The following EFHC2 variants were observed in gnomAD, a reference collection of about 807,000 sequenced individuals.
EFHC2 encodes EF-hand domain-containing family member C2.
In EFHC2, 18 loss-of-function variants were observed where a neutral mutation model predicts 52.7. The ratio of observed to expected loss-of-function variants is 0.34; its 90% CI spans 0.24 to 0.51. EFHC2 has a LOEUF of 0.51. Ranked by LOEUF, EFHC2 falls within the 20% of genes least tolerant of loss-of-function variation. EFHC2 has a pLI of 0.97. For synonymous variants in EFHC2, 203 were observed against 204.1 expected, an observed-to-expected ratio of 0.99 and a Z score of 0.04; for missense variants, 513 against 562.5, an observed-to-expected ratio of 0.91 and a Z score of 0.89.
intron 14 of EFHC2, among the ~76,000 whole-genome samples, chrX:44,155,320 G>A (rs926811677): frequency 1.3e-4 from 15 of 111,822 alleles, no homozygotes; most frequent in African/African-American, 4.9e-4. Context: ...CTGTAAAATC[G>A]CACACCCTTG....
chrX:44,305,261 C>CA (rs757357157), intron 2 of EFHC2, among the ~76,000 whole-genome samples: 65 of 107,235 alleles, frequency 6.1e-4, no homozygotes, highest in Admixed American at 1.5e-3. Flanking sequence ...GATTCCGCCT[C>CA]AAAAAAAAAT....
chrX:44,297,914 GAA>G (rs1248025180), intron 2 of EFHC2, among the ~76,000 whole-genome samples: 1 of 102,055 alleles, frequency 9.8e-6, no homozygotes, highest in Non-Finnish European at 2.0e-5. Context: ...GAATGAGGAT[GAA>G]GAGACAGAAG....
At chrX:44,214,415 C>A (rs1189792833) in intron 11 of EFHC2, among the ~76,000 whole-genome samples, 9 of 112,429 alleles carry the variant, frequency 8.0e-5, no homozygotes, top group African/African-American at 2.6e-4. Context: ...GTAAGAATTA[C>A]ATCTGACTTC....
chrX:44,188,757 T>C (rs921602376), intron 11 of EFHC2, among the ~76,000 whole-genome samples: 5 of 110,078 alleles, frequency 4.5e-5, no homozygotes, highest in African/African-American at 1.7e-4. Flanking sequence ...ACCAGAGAAG[T>C]GGGAGCTGAG....
intron 13 of EFHC2, among the ~76,000 whole-genome samples, chrX:44,171,008 T>G (rs1414120342): frequency 2.7e-5 from 3 of 112,086 alleles, no homozygotes; most frequent in Admixed American, 9.4e-5. Context: ...TGCGAAAGTG[T>G]TTTCCTAAAA....
At chrX:44,169,099 T>C (rs1198389661) in intron 13 of EFHC2, among the ~76,000 whole-genome samples, 1 of 111,298 alleles carries the variant, frequency 9.0e-6, no homozygotes, top group Non-Finnish European at 1.9e-5. Context: ...AAGAAAGGAA[T>C]ATCTGGATGA....
At chrX:44,195,896 T>A (rs1024868049) in intron 11 of EFHC2, among the ~76,000 whole-genome samples, 1 of 111,062 alleles carries the variant, frequency 9.0e-6, no homozygotes, top group Non-Finnish European at 1.9e-5. Flanking sequence ...GTTTTTTGTG[T>A]TTTGGGTTTT....
At chrX:44,320,323 C>T (rs2038010338) in intron 1 of EFHC2, among the ~76,000 whole-genome samples, 1 of 111,524 alleles carries the variant, frequency 9.0e-6, no homozygotes, top group Non-Finnish European at 1.9e-5. Context: ...GCAATGTGAC[C>T]CTCAGGACCT....
intron 11 of EFHC2, among the ~76,000 whole-genome samples, chrX:44,178,815 C>T (rs192976375): frequency 4.4e-4 from 49 of 112,035 alleles, no homozygotes; most frequent in African/African-American, 1.6e-3. Context: ...TAAACACCTA[C>T]CAAATAACAG....
chrX:44,282,306 C>T (rs2037708155), intron 2 of EFHC2, among the ~76,000 whole-genome samples: 1 of 106,267 alleles, frequency 9.4e-6, no homozygotes, highest in Non-Finnish European at 1.9e-5. Flanking sequence ...TGTTAAGTGA[C>T]TAAAACACAG....
chrX:44,181,269 T>G (rs748379358), intron 11 of EFHC2, among the ~76,000 whole-genome samples: 178 of 110,829 alleles, frequency 1.6e-3, no homozygotes, highest in African/African-American at 5.4e-3. Flanking sequence ...TCCTGAATGG[T>G]TGAGATGTCT....
At chrX:44,328,402 C>T (rs936960534) in intron 1 of EFHC2, among the ~76,000 whole-genome samples, 1 of 111,494 alleles carries the variant, frequency 9.0e-6, no homozygotes. Flanking sequence ...AATGCTGAGC[C>T]TCTATACATG....
intron 1 of EFHC2, among the ~76,000 whole-genome samples, chrX:44,327,083 A>G (rs192067052): frequency 5.6e-4 from 62 of 111,371 alleles, no homozygotes; most frequent in African/African-American, 2.0e-3. Flanking sequence ...TCACTCAACT[A>G]GTATAAGTGG....
intron 4 of EFHC2, among the ~76,000 whole-genome samples, chrX:44,257,072 G>T (rs1438169270): frequency 9.0e-6 from 1 of 111,595 alleles, no homozygotes; most frequent in Non-Finnish European, 1.9e-5. Flanking sequence ...AATAGATGCA[G>T]AAAAGGCCTT....
intron 8 of EFHC2, among the ~76,000 whole-genome samples, chrX:44,240,497 C>T (rs2037351980): frequency 8.9e-6 from 1 of 111,955 alleles, no homozygotes; most frequent in South Asian, 3.7e-4. Context: ...AATATTTCAT[C>T]TTGTTTACTT....
chrX:44,291,425 C>CA (rs1193778231), intron 2 of EFHC2, among the ~76,000 whole-genome samples: 4 of 111,784 alleles, frequency 3.6e-5, no homozygotes, highest in Non-Finnish European at 7.5e-5. Flanking sequence ...TTTTGTATTA[C>CA]AAAAATATCA....
intron 2 of EFHC2, chrX:44,309,913 C>A: frequency 9.5e-7 from 1 of 1,053,906 alleles, no homozygotes; most frequent in Non-Finnish European, 1.3e-6. Flanking sequence ...AATTCCCTTT[C>A]TTTGGGATCT....
chrX:44,198,193 T>C (rs894028415), intron 11 of EFHC2, among the ~76,000 whole-genome samples: 35 of 109,401 alleles, frequency 3.2e-4, no homozygotes, highest in African/African-American at 1.2e-3. Context: ...AGAAAAAGAG[T>C]TGGTCCTTTT....
chrX:44,227,269 T>G (rs1378149411), intron 11 of EFHC2, among the ~76,000 whole-genome samples: 1 of 111,175 alleles, frequency 9.0e-6, no homozygotes, highest in East Asian at 2.8e-4. Flanking sequence ...AGAATTGAAT[T>G]AGGGTATGAT....
Sources: allele counts gnomAD v4.1 joint callset (sites outside exome capture counted in the v4.1 genomes callset), GRCh38; gene constraint gnomAD v4.1.1; transcripts MANE v1.5; gene names NCBI Gene and HGNC (gene_info 2026-07-23, HGNC 2026-07-21).